The following FBXL18 variants were observed in gnomAD, a reference collection of about 807,000 sequenced individuals.
FBXL18 encodes the protein F-box and leucine rich repeat protein 18, also known as F-box/LRR-repeat protein 18.
Under a neutral mutation model 46.0 loss-of-function variants are expected in FBXL18, and 36 were observed. The ratio of observed to expected loss-of-function variants is 0.78; its 90% CI spans 0.60 to 1.03. The LOEUF (loss-of-function observed/expected upper bound fraction) is 1.03. FBXL18 is among the 50% of genes least tolerant of loss of function. The probability of loss-of-function intolerance (pLI) is 0.00; values close to 1 mark genes in which losing one functional copy is unlikely to be tolerated. For missense variants in FBXL18, 977 were observed against 1,004.1 expected (o/e 0.97, Z 0.36); for synonymous variants, 557 against 465.3 (o/e 1.20, Z -2.54).
chr7:5,472,015 G>T (rs565118536), downstream of FBXL18, among the ~76,000 whole-genome samples: 10 of 152,314 alleles, frequency 6.6e-5, no homozygotes, highest in Admixed American at 2.6e-4. Flanking sequence ...TCAAGCCCAG[G>T]AGGTCGAGGC....
chr7:5,481,219 G>A lies in FBXL18; in HGVS notation c.*556C>T, dbSNP rs10282144. 0.4 allele frequency: 61,688 copies of A among 156,082 alleles called. 12,745 individuals carry two copies. The highest frequency in any genetic ancestry group is 0.51 in the South Asian group (2,702 of 5,302). 9.7% of individuals were successfully genotyped at this position (156,082 alleles called of 1,614,324 possible). A position where few individuals can be genotyped will look rare whatever the true frequency, so the allele number is the denominator to read the frequency against. The stretch of plus-strand genomic sequence containing the variant: ...GGGCTCAAGTGTGTCCTAATGGGAT[G>A]GAGAGTCCCAAGTCTGCAGCCACTA... On this transcript the variant is annotated 3_prime_UTR_variant, in exon 5 of 5. Transcript: ENST00000382368.
intron 4 of FBXL18, among the ~76,000 whole-genome samples, chr7:5,485,614 G>T (rs1311821770): frequency 6.6e-6 from 1 of 152,072 alleles, no homozygotes; most frequent in Non-Finnish European, 1.5e-5. Flanking sequence ...AGGAGTTCAA[G>T]ACCACCCCGG....
At chr7:5,463,724 ATT>A (rs144459089) in intron 4 of FBXL18, among the ~76,000 whole-genome samples, 20 of 59,664 alleles carry the variant, frequency 3.4e-4, no homozygotes, top group African/African-American at 1.5e-3. Context: ...TTATTTATTT[ATT>A]TATTTTTTTT....
At chr7:5,462,640 G>T (rs1355274161) in intron 4 of FBXL18, among the ~76,000 whole-genome samples, 1 of 151,910 alleles carries the variant, frequency 6.6e-6, no homozygotes, top group African/African-American at 2.4e-5. Flanking sequence ...AGCCGCAAAT[G>T]ACATCTTAAT....
intron 1 of FBXL18, among the ~76,000 whole-genome samples, chr7:5,512,267 A>T (rs1784558243): frequency 6.7e-6 from 1 of 149,632 alleles, no homozygotes; most frequent in African/African-American, 2.4e-5. Flanking sequence ...GAAAAAGAAA[A>T]AGAGGCACTG....
At position 5,478,097 on chromosome 7, in the gene FBXL18, A is replaced by G. The variant is rs1317677522; in HGVS notation, c.*3678T>C. On this transcript the variant is annotated 3_prime_UTR_variant, in exon 5 of 5. Coordinates refer to ENST00000382368, the MANE Select transcript of FBXL18 (RefSeq NM_024963.6). ...GGCAACCCTTGTGTGTTTGCAGCGC[A>G]AGAGGAGCTCAGCCCGTCCTGGCTG... is the stretch of plus-strand genomic sequence containing the variant. 6.6e-6 allele frequency: 1 copy of G among 152,394 alleles called. No homozygotes were observed. The highest frequency in any genetic ancestry group is 2.4e-5 in the African/African-American group (1 of 41,480). 9.4% of individuals were successfully genotyped at this position (152,394 alleles called of 1,614,324 possible). A position where few individuals can be genotyped will look rare whatever the true frequency, so the allele number is the denominator to read the frequency against.
At chr7:5,463,677 T>C (rs1405129501) in intron 4 of FBXL18, among the ~76,000 whole-genome samples, 1 of 143,582 alleles carries the variant, frequency 7.0e-6, no homozygotes, top group Non-Finnish European at 1.5e-5. Context: ...AACATAAATG[T>C]GCTTCATGCC....
rs780590550 is a variant in FBXL18 at position 5,501,754 on chromosome 7, C to T, written c.515G>A (p.Arg172His). The change falls in exon 3 of 5, where the codon CGC becomes CAC. Residue 172 changes from arginine (R) to histidine (H), a missense_variant. Physicochemically the swap from Arg to His is conservative, Grantham distance 29. Transcript: ENST00000382368. ...CAGCGTCTGCTTGAGCTCCCGCACG[C>T]GGCTCAGGGTGGCCTTGCACTCGCT... The part of the protein sequence containing the change: ...LSSECKATLS[R>H]VRELKQTLFT... The T allele has an allele frequency of 3.8e-6, 6 of 1,559,264 alleles. No individual in the cohort carries two copies. Among genetic ancestry groups the T allele is most frequent in the Non-Finnish European group, 5.2e-6 (6 of 1,151,154 alleles).
intron 3 of FBXL18, chr7:5,495,997 G>A (rs146815663): frequency 1.1e-4 from 47 of 427,332 alleles, no homozygotes; most frequent in South Asian, 1.7e-4. Context: ...CACAGAACCC[G>A]CAGGCCTCTC....
intron 1 of FBXL18, among the ~76,000 whole-genome samples, chr7:5,511,158 T>C (rs2966433): frequency 0.33 from 50,628 of 152,096 alleles, 8,832 homozygotes; most frequent in Admixed American, 0.39. Flanking sequence ...AAATCTTGGC[T>C]GGGCATGGTG....
downstream of FBXL18, among the ~76,000 whole-genome samples, chr7:5,474,447 G>A (rs905435481): frequency 6.6e-6 from 1 of 150,820 alleles, no homozygotes; most frequent in African/African-American, 2.4e-5. Flanking sequence ...AAGTAGCTGG[G>A]ACCACAGACA....
chr7:5,506,183 A>G (rs994611676), intron 1 of FBXL18, among the ~76,000 whole-genome samples: 3 of 150,100 alleles, frequency 2.0e-5, no homozygotes, highest in Admixed American at 6.7e-5. Flanking sequence ...CTGGTCTTGA[A>G]CTCCTGGGCT....
At chr7:5,504,800 C>T (rs1374945047) in intron 2 of FBXL18, among the ~76,000 whole-genome samples, 5 of 149,106 alleles carry the variant, frequency 3.4e-5, no homozygotes, top group Non-Finnish European at 7.4e-5. Context: ...CCTGTAGTCC[C>T]AGGTACTCGG....
chr7:5,505,310 C>A (rs1784366397), intron 2 of FBXL18, 102 bp downstream of exon 2: 3 of 1,118,324 alleles, frequency 2.7e-6, no homozygotes, highest in Admixed American at 2.3e-5. Flanking sequence ...GAGTTCCTGC[C>A]ACCTTTATAT....
At chr7:5,462,223 G>C (rs991923994) in intron 4 of FBXL18, among the ~76,000 whole-genome samples, 3 of 151,906 alleles carry the variant, frequency 2.0e-5, no homozygotes, top group African/African-American at 7.3e-5. Flanking sequence ...GTGAGACTCT[G>C]TCTCCAAAAA....
intron 3 of FBXL18, among the ~76,000 whole-genome samples, chr7:5,499,760 A>AT (rs35666150): frequency 6.7e-6 from 1 of 150,200 alleles, no homozygotes; most frequent in Non-Finnish European, 1.5e-5. Context: ...AAAAAAAAAA[A>AT]GCAAAGATGG....
In FBXL18 at chr7:5,513,681, G is replaced by T; in HGVS notation, c.-7C>A. The T allele has an allele frequency of 6.2e-7, 1 of 1,605,092 alleles. No homozygotes were observed. The highest frequency in any genetic ancestry group is 2.3e-5 in the East Asian group (1 of 44,348). On this transcript the variant is annotated 5_prime_UTR_variant, in exon 1 of 5. Transcript: ENST00000382368. ...CCTCTCCGGAGCTGGCCATGTCGCCGGCGGGTCCGAACCGCGGCCGCGGGA... is the reference window on the plus strand; with the variant it reads ...CCTCTCCGGAGCTGGCCATGTCGCCTGCGGGTCCGAACCGCGGCCGCGGGA...
At chr7:5,458,016 C>T (rs1382041270) in intron 4 of FBXL18, among the ~76,000 whole-genome samples, 2 of 152,178 alleles carry the variant, frequency 1.3e-5, no homozygotes, top group Non-Finnish European at 2.9e-5. Context: ...AGACATTGCT[C>T]CGGCGGATTC....
At chr7:5,498,604 T>G (rs1784147796) in intron 3 of FBXL18, among the ~76,000 whole-genome samples, 1 of 152,054 alleles carries the variant, frequency 6.6e-6, no homozygotes, top group Non-Finnish European at 1.5e-5. Flanking sequence ...AGAGTCTCAC[T>G]CTGTCACCCA....
Sources: gnomAD v4.1 joint callset for allele counts (sites outside exome capture counted in the v4.1 genomes callset) on GRCh38, gnomAD v4.1.1 for gene constraint, MANE v1.5 for transcripts, NCBI Gene and HGNC (gene_info 2026-07-23, HGNC 2026-07-21) for gene names.